RAD51B: variants seen among roughly 807,000 people sequenced by gnomAD.
The protein encoded by RAD51B is RAD51 paralog B, also known as DNA repair protein RAD51 homolog 2.
Under a neutral mutation model 42.2 loss-of-function variants are expected in RAD51B, and 38 were observed. That is an observed-to-expected ratio of 0.90 (90% CI 0.70 to 1.18). The LOEUF (loss-of-function observed/expected upper bound fraction) is 1.18, where lower values mean the gene tolerates loss of function less well. Among genes scored for constraint, RAD51B ranks in the 50% most tolerant of loss-of-function variants. The pLI, the probability that RAD51B is intolerant of heterozygous loss-of-function variation, is 0.00. For missense variants in RAD51B, 373 were observed against 400.7 expected (o/e 0.93, Z 0.59); for synonymous variants, 154 against 145.2 (o/e 1.06, Z -0.43).
intron 7 of RAD51B, among the ~76,000 whole-genome samples, chr14:68,036,209 C>T (rs148745384): frequency 6.6e-6 from 1 of 152,280 alleles, no homozygotes; most frequent in East Asian, 1.9e-4. Context: ...TTATGTGTCT[C>T]CATCTTTATT....
intron 11 of RAD51B, among the ~76,000 whole-genome samples, chr14:68,679,160 G>T (rs1171090727): frequency 6.6e-6 from 1 of 152,116 alleles, no homozygotes; most frequent in Non-Finnish European, 1.5e-5. Context: ...AGGTGCAAAG[G>T]CTTCCCGAGC....
At chr14:68,211,978 C>T (rs2140946139) in intron 7 of RAD51B, among the ~76,000 whole-genome samples, 1 of 152,352 alleles carries the variant, frequency 6.6e-6, no homozygotes, top group East Asian at 1.9e-4. Flanking sequence ...GGGAAAAATG[C>T]TCTGGTCAGA....
At chr14:68,198,595 G>A (rs2079421832) in intron 7 of RAD51B, among the ~76,000 whole-genome samples, 3 of 152,006 alleles carry the variant, frequency 2.0e-5, no homozygotes, top group South Asian at 4.2e-4. Flanking sequence ...AATTGATTAG[G>A]TCTCCTTTAA....
At chr14:68,457,375 A>G (rs1284632523) in intron 9 of RAD51B, among the ~76,000 whole-genome samples, 1 of 152,188 alleles carries the variant, frequency 6.6e-6, no homozygotes, top group Non-Finnish European at 1.5e-5. Flanking sequence ...AAAATACAAC[A>G]TATCAAAGCT....
chr14:68,449,794 A>G (rs2085510305), intron 9 of RAD51B, among the ~76,000 whole-genome samples: 1 of 152,102 alleles, frequency 6.6e-6, no homozygotes, highest in Non-Finnish European at 1.5e-5. Flanking sequence ...CCTGGGGATG[A>G]ATCTGCCTGC....
At chr14:68,210,555 G>A (rs1317510242) in intron 7 of RAD51B, among the ~76,000 whole-genome samples, 2 of 152,140 alleles carry the variant, frequency 1.3e-5, no homozygotes, top group East Asian at 3.8e-4. Context: ...TGTGTGTCTT[G>A]TGTCTTGGTG....
chr14:67,837,970 A>G (rs762590279), intron 4 of RAD51B, among the ~76,000 whole-genome samples: 13 of 152,186 alleles, frequency 8.5e-5, no homozygotes, highest in Non-Finnish European at 1.6e-4. Flanking sequence ...TCAGCCTCTA[A>G]TAACCACTAT....
At chr14:67,876,957 G>A (rs889278891) in intron 5 of RAD51B, among the ~76,000 whole-genome samples, 4 of 152,160 alleles carry the variant, frequency 2.6e-5, no homozygotes, top group Non-Finnish European at 5.9e-5. Context: ...AGAGTATAAA[G>A]GTAGCTTTTC....
At chr14:68,118,901 A>G (rs1282288882) in intron 7 of RAD51B, among the ~76,000 whole-genome samples, 5 of 151,864 alleles carry the variant, frequency 3.3e-5, no homozygotes, top group African/African-American at 7.3e-5. Context: ...GAAGATTCCT[A>G]TTTGCTCCCA....
At chr14:67,863,180 A>G (rs1176221405) in intron 4 of RAD51B, among the ~76,000 whole-genome samples, 1 of 98,814 alleles carries the variant, frequency 1.0e-5, no homozygotes, top group Non-Finnish European at 1.9e-5. Context: ...TTTTTGAGAC[A>G]TGGTCTTGCT....
intron 7 of RAD51B, among the ~76,000 whole-genome samples, chr14:67,967,746 G>C (rs1317192983): frequency 2.0e-5 from 3 of 152,200 alleles, no homozygotes; most frequent in African/African-American, 4.8e-5. Context: ...TGCTTTCACA[G>C]GCTGGTGTTG....
exon 11 of RAD51B, chr14:68,611,172 C>T (rs1273030984): frequency 5.7e-6 from 4 of 703,132 alleles, no homozygotes; most frequent in Non-Finnish European, 1.0e-5. Flanking sequence ...ACTCAACTGT[C>T]CTCTCTTCTG....
At chr14:68,654,519 G>A (rs1892769638) in intron 11 of RAD51B, among the ~76,000 whole-genome samples, 1 of 152,194 alleles carries the variant, frequency 6.6e-6, no homozygotes, top group African/African-American at 2.4e-5. Flanking sequence ...AGATGGCCCT[G>A]AGCCTCAGTT....
chr14:68,250,494 A>C (rs1422639300), intron 7 of RAD51B, among the ~76,000 whole-genome samples: 1 of 152,226 alleles, frequency 6.6e-6, no homozygotes, highest in African/African-American at 2.4e-5. Context: ...AATTTCATCA[A>C]TTCCTTTAAG....
intron 9 of RAD51B, among the ~76,000 whole-genome samples, chr14:68,425,975 T>TCTTCCTTCCTTCCTTC (rs1298543738): frequency 8.1e-5 from 7 of 86,030 alleles, no homozygotes; most frequent in Non-Finnish European, 1.2e-4. Context: ...TTTCTTTCTT[T>TCTTCCTTCCTTCCTTC]CTTCCTTCCT....
chr14:67,925,998 C>T (rs977364585), intron 7 of RAD51B, among the ~76,000 whole-genome samples: 3 of 152,156 alleles, frequency 2.0e-5, no homozygotes, highest in African/African-American at 7.2e-5. Context: ...GCCCATGAAA[C>T]CACTTTTTCC....
chr14:68,090,559 G>A (rs1288606494), intron 7 of RAD51B, among the ~76,000 whole-genome samples: 2 of 152,014 alleles, frequency 1.3e-5, no homozygotes, highest in East Asian at 3.9e-4. Flanking sequence ...AGGTGCAAAT[G>A]TGTGATGTTA....
chr14:67,971,015 A>G (rs1436953112), intron 7 of RAD51B, among the ~76,000 whole-genome samples: 5 of 152,082 alleles, frequency 3.3e-5, no homozygotes, highest in Non-Finnish European at 7.4e-5. Flanking sequence ...TTATGACATA[A>G]AAGCTATTAA....
intron 7 of RAD51B, among the ~76,000 whole-genome samples, chr14:68,006,956 G>A (rs1040268522): frequency 2.6e-5 from 4 of 152,042 alleles, no homozygotes; most frequent in African/African-American, 2.4e-5. Context: ...GGAGTTGTGC[G>A]ATCACTACCA....
Sources: allele counts gnomAD v4.1 joint callset (sites outside exome capture counted in the v4.1 genomes callset), GRCh38; gene constraint gnomAD v4.1.1; transcripts MANE v1.5; gene names NCBI Gene and HGNC (gene_info 2026-07-23, HGNC 2026-07-21).